The following KIAA1328 variants were observed in gnomAD, a reference collection of about 807,000 sequenced individuals.
The protein encoded by KIAA1328 is protein hinderin.
KIAA1328 carries 52 observed loss-of-function variants against 68.1 expected under a neutral mutation model. The ratio of observed to expected loss-of-function variants is 0.76; its 90% CI spans 0.61 to 0.96. The LOEUF is 0.96. KIAA1328 is among the 40% of genes least tolerant of loss of function. The pLI is 0.00. For missense variants in KIAA1328, 641 were observed against 677.6 expected (o/e 0.95, Z 0.60); for synonymous variants, 232 against 239.4 (o/e 0.97, Z 0.28).
chr18:36,848,598 A>C (rs2047111840), intron 4 of KIAA1328, among the ~76,000 whole-genome samples: 1 of 133,638 alleles, frequency 7.5e-6, no homozygotes, highest in Non-Finnish European at 1.5e-5. Context: ...TTCCAGTACA[A>C]TGTTGAATGA....
At chr18:37,050,981 A>G (rs1180289607) in intron 6 of KIAA1328, among the ~76,000 whole-genome samples, 1 of 152,168 alleles carries the variant, frequency 6.6e-6, no homozygotes, top group Non-Finnish European at 1.5e-5. Context: ...CCTCTCTTTT[A>G]CAAATGACTA....
intron 6 of KIAA1328, among the ~76,000 whole-genome samples, chr18:37,046,618 C>T (rs1465935696): frequency 1.3e-5 from 2 of 152,146 alleles, no homozygotes; most frequent in Non-Finnish European, 2.9e-5. Context: ...TTCATGTTCT[C>T]AACACCTTGG....
chr18:37,151,552 A>G (rs1034592862), intron 7 of KIAA1328, among the ~76,000 whole-genome samples: 1 of 152,210 alleles, frequency 6.6e-6, no homozygotes, highest in Non-Finnish European at 1.5e-5. Context: ...TGTAATCAAT[A>G]CAGGTTGGTA....
chr18:37,100,330 C>T (rs1239957676), intron 7 of KIAA1328, among the ~76,000 whole-genome samples: 1 of 152,196 alleles, frequency 6.6e-6, no homozygotes, highest in Non-Finnish European at 1.5e-5. Flanking sequence ...CCTAATACTG[C>T]ACTTTTCCAA....
intron 5 of KIAA1328, among the ~76,000 whole-genome samples, chr18:36,915,296 T>C (rs560012720): frequency 3.9e-5 from 6 of 152,270 alleles, no homozygotes; most frequent in African/African-American, 1.4e-4. Flanking sequence ...TATTTTCTGA[T>C]ATGAAACCAA....
At chr18:37,039,330 G>A (rs2055151249) in intron 6 of KIAA1328, among the ~76,000 whole-genome samples, 1 of 151,644 alleles carries the variant, frequency 6.6e-6, no homozygotes, top group African/African-American at 2.4e-5. Context: ...AGACATCTAG[G>A]GCTGAGTTTT....
At chr18:37,067,635 A>C in intron 7 of KIAA1328, 90 bp downstream of exon 7, 2 of 1,319,786 alleles carry the variant, frequency 1.5e-6, no homozygotes, top group Non-Finnish European at 2.0e-6. Flanking sequence ...ATCTCAGCTC[A>C]CTGCAGCCTC....
chr18:36,912,740 C>T (rs1254143292), intron 5 of KIAA1328, among the ~76,000 whole-genome samples: 1 of 152,206 alleles, frequency 6.6e-6, no homozygotes, highest in East Asian at 1.9e-4. Flanking sequence ...CTTATCAGCT[C>T]AAAAGTTTCG....
rs1336539395 is a variant in KIAA1328 at position 36,992,447 on chromosome 18, CTTTCTTTTTTTTTTTTT to C, written c.576+33016_576+33032del. 7.5e-5 allele frequency among the ~76,000 whole-genome samples: 5 copies of C among 66,760 alleles called. No individual in the cohort carries two copies. The East Asian group carries it at 1.9e-3, about 25-fold the overall frequency. The allele number at this position is 66,760 out of a possible 152,430, so 43.8% of individuals were successfully genotyped here. On this transcript the variant is annotated intron_variant, in intron 6 of 9. Transcript: ENST00000280020. The stretch of plus-strand genomic sequence containing the variant: ...GCAAAGGTCCAATTTCTTTTCTTTT[CTTTCTTTTTTTTTTTTT>C]TTTTTTTTTTTTGCTATATGTGGCC...
chr18:37,081,173 G>C (rs2056938436), intron 7 of KIAA1328, among the ~76,000 whole-genome samples: 1 of 151,998 alleles, frequency 6.6e-6, no homozygotes, highest in Non-Finnish European at 1.5e-5. Flanking sequence ...GTAGAGACAG[G>C]GTTTCACCAT....
chr18:37,153,901 T>C (rs1412386805), intron 7 of KIAA1328, among the ~76,000 whole-genome samples: 1 of 151,394 alleles, frequency 6.6e-6, no homozygotes, highest in Non-Finnish European at 1.5e-5. Context: ...TTTGAGTATT[T>C]CATGTGCTGT....
At chr18:36,963,256 G>A (rs752096513) in intron 6 of KIAA1328, among the ~76,000 whole-genome samples, 3 of 152,170 alleles carry the variant, frequency 2.0e-5, no homozygotes, top group Non-Finnish European at 2.9e-5. Flanking sequence ...TTGCTTTTCA[G>A]GGGGTAAGAG....
chr18:37,056,276 A>T (rs1448146757), intron 6 of KIAA1328, among the ~76,000 whole-genome samples: 1 of 152,192 alleles, frequency 6.6e-6, no homozygotes, highest in East Asian at 1.9e-4. Flanking sequence ...ATAAATAGGC[A>T]TTGTTTTCTA....
At position 37,116,245 on chromosome 18, in the gene KIAA1328, A is replaced by G. The variant is rs1023003729; in HGVS notation, c.1233-43955A>G. Among the ~76,000 whole-genome samples, 11 of 152,322 alleles carry G rather than the reference A, an allele frequency of 7.2e-5. No homozygotes were observed. In the East Asian group the frequency reaches 1.7e-3, roughly 24 times the overall value. On this transcript the variant is annotated intron_variant, in intron 7 of 9. Transcript: ENST00000280020. ...AGAACAAAGCTGGAGGCATCATGCT[A>G]CCTGACTTCAAACTATACTACAAGG...
intron 4 of KIAA1328, among the ~76,000 whole-genome samples, chr18:36,879,955 G>A (rs1474771591): frequency 6.6e-6 from 1 of 152,186 alleles, no homozygotes; most frequent in Non-Finnish European, 1.5e-5. Flanking sequence ...GTGGATCTTA[G>A]CTTGTTGGGC....
chr18:36,973,166 C>G (rs943176110), intron 6 of KIAA1328, among the ~76,000 whole-genome samples: 6 of 152,116 alleles, frequency 3.9e-5, no homozygotes, highest in African/African-American at 1.4e-4. Flanking sequence ...GAGTTCATGT[C>G]TTTTATGGGG....
chr18:36,985,455 T>C (rs758553301), intron 6 of KIAA1328, among the ~76,000 whole-genome samples: 2 of 152,200 alleles, frequency 1.3e-5, no homozygotes, highest in Non-Finnish European at 2.9e-5. Flanking sequence ...CTCATACTAC[T>C]TATCAATCTT....
rs185802960 is a variant in KIAA1328 at position 36,864,208 on chromosome 18, A to T, written c.332+19906A>T. ...CTCTGTCGATTGATATGATTACATGAGTTTTCTTTAGCCTATTGATATGGT... is the reference window on the plus strand; with the variant it reads ...CTCTGTCGATTGATATGATTACATGTGTTTTCTTTAGCCTATTGATATGGT... On this transcript the variant is annotated intron_variant, in intron 4 of 9. Coordinates refer to ENST00000280020, the MANE Select transcript of KIAA1328 (RefSeq NM_020776.3). Among the ~76,000 whole-genome samples the T allele has an allele frequency of 2.6e-4, 39 of 151,676 alleles. No individual in the cohort carries two copies. The East Asian group carries it at 7.5e-3, about 29-fold the overall frequency.
intron 6 of KIAA1328, among the ~76,000 whole-genome samples, chr18:36,964,571 T>C (rs1219130780): frequency 6.6e-6 from 1 of 152,192 alleles, no homozygotes; most frequent in Non-Finnish European, 1.5e-5. Context: ...CAAGTTGGCT[T>C]TATTTACAAG....
Sources: gnomAD v4.1 joint callset for allele counts (sites outside exome capture counted in the v4.1 genomes callset) on GRCh38, gnomAD v4.1.1 for gene constraint, MANE v1.5 for transcripts, NCBI Gene and HGNC (gene_info 2026-07-23, HGNC 2026-07-21) for gene names.